The following DGKB variants were observed in gnomAD, a reference collection of about 807,000 sequenced individuals.
The protein encoded by DGKB is diacylglycerol kinase beta.
Under a neutral mutation model 114.3 loss-of-function variants are expected in DGKB, and 67 were observed. The observed-to-expected ratio is 0.59, with a 90% CI of 0.48 to 0.72. The LOEUF (loss-of-function observed/expected upper bound fraction) is 0.72, where lower values mean the gene tolerates loss of function less well. Among genes scored for constraint, DGKB ranks in the 30% least tolerant of loss-of-function variants. The pLI, the probability that DGKB is intolerant of heterozygous loss-of-function variation, is 0.00. For missense variants in DGKB, 907 were observed against 975.2 expected (o/e 0.93, Z 0.93); for synonymous variants, 398 against 323.1 (o/e 1.23, Z -2.49).
At chr7:14,648,685 T>C (rs983067035) in intron 13 of DGKB, among the ~76,000 whole-genome samples, 6 of 151,460 alleles carry the variant, frequency 4.0e-5, no homozygotes, top group Admixed American at 6.6e-5. Context: ...CTTCAGTCGA[T>C]CAAATTACTC....
At chr7:14,415,997 T>C (rs533917934) in intron 21 of DGKB, among the ~76,000 whole-genome samples, 20 of 152,292 alleles carry the variant, frequency 1.3e-4, no homozygotes, top group African/African-American at 4.6e-4. Context: ...ATTGTGGTTT[T>C]GATTTGCATT....
intron 1 of DGKB, among the ~76,000 whole-genome samples, chr7:14,935,761 T>C (rs181825696): frequency 1.3e-5 from 2 of 152,118 alleles, no homozygotes; most frequent in African/African-American, 2.4e-5. Context: ...TTATCTCTTT[T>C]CTCACTCTGT....
chr7:14,807,004 G>A (rs1842862604), intron 2 of DGKB, among the ~76,000 whole-genome samples: 2 of 151,904 alleles, frequency 1.3e-5, no homozygotes, highest in Non-Finnish European at 2.9e-5. Flanking sequence ...TATCACTGCT[G>A]GAGTAATCCT....
intron 25 of DGKB, among the ~76,000 whole-genome samples, chr7:14,172,449 A>C (rs1489989220): frequency 1.3e-5 from 2 of 152,192 alleles, no homozygotes; most frequent in East Asian, 3.9e-4. Flanking sequence ...GAGAGAAAGA[A>C]AGGAAAAGAT....
chr7:14,269,651 G>A (rs1438632034), intron 23 of DGKB, among the ~76,000 whole-genome samples: 1 of 152,128 alleles, frequency 6.6e-6, no homozygotes, highest in Non-Finnish European at 1.5e-5. Context: ...AGGTCAAGAC[G>A]ATAGCTAGAT....
At chr7:14,858,763 T>C (rs1370465917) in intron 1 of DGKB, among the ~76,000 whole-genome samples, 1 of 152,062 alleles carries the variant, frequency 6.6e-6, no homozygotes, top group East Asian at 1.9e-4. Context: ...GACCAAAATA[T>C]AGAGACAAAG....
chr7:14,662,491 G>C (rs1290516185), intron 13 of DGKB, among the ~76,000 whole-genome samples: 3 of 151,910 alleles, frequency 2.0e-5, no homozygotes, highest in Admixed American at 6.6e-5. Flanking sequence ...TTGCACTTCT[G>C]AGTAGAGAAC....
chr7:14,958,280 G>A (rs768976824), intron 1 of DGKB, among the ~76,000 whole-genome samples: 10 of 151,966 alleles, frequency 6.6e-5, no homozygotes, highest in Non-Finnish European at 4.4e-5. Context: ...GGTCTCATGA[G>A]GAAGGGCTCA....
chr7:14,950,531 G>A (rs1284991631), intron 1 of DGKB, among the ~76,000 whole-genome samples: 1 of 151,490 alleles, frequency 6.6e-6, no homozygotes, highest in South Asian at 2.1e-4. Context: ...CAAGAAAAAA[G>A]GAAAAAGACA....
chr7:14,437,637 G>A (rs991000169), intron 21 of DGKB, among the ~76,000 whole-genome samples: 1 of 151,742 alleles, frequency 6.6e-6, no homozygotes, highest in Admixed American at 6.6e-5. Flanking sequence ...GTGTTAATTT[G>A]CATCTTGAAA....
upstream of DGKB, among the ~76,000 whole-genome samples, chr7:14,906,062 A>C (rs980406665): frequency 2.0e-5 from 3 of 152,146 alleles, no homozygotes; most frequent in Non-Finnish European, 4.4e-5. Context: ...ATTTTCTACT[A>C]TACAAACTCA....
At chr7:14,726,038 T>C (rs1829977593) in intron 5 of DGKB, among the ~76,000 whole-genome samples, 1 of 152,180 alleles carries the variant, frequency 6.6e-6, no homozygotes, top group South Asian at 2.1e-4. Flanking sequence ...ACACATATTA[T>C]CCCCATTTTA....
chr7:14,887,023 T>G (rs941880545), intron 1 of DGKB, among the ~76,000 whole-genome samples: 2 of 151,906 alleles, frequency 1.3e-5, no homozygotes, highest in Admixed American at 1.3e-4. Context: ...CAATTTATAA[T>G]TATTTCTTCA....
intron 23 of DGKB, among the ~76,000 whole-genome samples, chr7:14,180,663 C>T (rs1181801846): frequency 6.6e-6 from 1 of 152,138 alleles, no homozygotes; most frequent in Non-Finnish European, 1.5e-5. Context: ...GAATTTGCCC[C>T]CATAACACTT....
At chr7:14,193,853 AC>A (rs1784651234) in intron 23 of DGKB, among the ~76,000 whole-genome samples, 1 of 152,142 alleles carries the variant, frequency 6.6e-6, no homozygotes, top group Non-Finnish European at 1.5e-5. Flanking sequence ...TGGGAAAAAA[AC>A]CCCCAAATAC....
At chr7:14,250,763 T>C (rs954913195) in intron 23 of DGKB, among the ~76,000 whole-genome samples, 2 of 152,182 alleles carry the variant, frequency 1.3e-5, no homozygotes, top group Admixed American at 1.3e-4. Context: ...TTGTGGTTTA[T>C]TTCTCCTTTC....
chr7:14,291,014 C>T (rs1266682147), intron 23 of DGKB, among the ~76,000 whole-genome samples: 6 of 151,734 alleles, frequency 4.0e-5, no homozygotes, highest in South Asian at 4.2e-4. Context: ...TGGTGGCACA[C>T]GCCTGTAATC....
chr7:14,544,755 T>G (rs1794018005), intron 20 of DGKB, among the ~76,000 whole-genome samples: 1 of 152,204 alleles, frequency 6.6e-6, no homozygotes, highest in African/African-American at 2.4e-5. Context: ...TGTTGTTTTT[T>G]GACAGGAAAA....
intron 23 of DGKB, among the ~76,000 whole-genome samples, chr7:14,281,268 C>T (rs548283239): frequency 1.3e-5 from 2 of 151,736 alleles, no homozygotes; most frequent in African/African-American, 4.8e-5. Context: ...CAAAAAAGAC[C>T]ATTACATAAT....
Sources: allele counts gnomAD v4.1 joint callset (sites outside exome capture counted in the v4.1 genomes callset), GRCh38; gene constraint gnomAD v4.1.1; transcripts MANE v1.5; gene names NCBI Gene and HGNC (gene_info 2026-07-23, HGNC 2026-07-21).